CUL5: variants seen among roughly 807,000 people sequenced by gnomAD.
CUL5 encodes cullin 5, also known as cullin-5.
In CUL5, 26 loss-of-function variants were observed where a neutral mutation model predicts 108.8. The observed-to-expected ratio is 0.24, with a 90% CI of 0.18 to 0.33. CUL5 has a LOEUF of 0.33. Among genes scored for constraint, CUL5 ranks in the 10% least tolerant of loss-of-function variants. The pLI, the probability that CUL5 is intolerant of heterozygous loss-of-function variation, is 1.00. For missense variants in CUL5, 524 were observed against 909.2 expected (o/e 0.58, Z 5.45); for synonymous variants, 334 against 298.0 (o/e 1.12, Z -1.25).
intron 11 of CUL5, among the ~76,000 whole-genome samples, chr11:108,079,621 C>T (rs1864023452): frequency 6.6e-6 from 1 of 152,186 alleles, no homozygotes; most frequent in Non-Finnish European, 1.5e-5. Flanking sequence ...AATTTATATA[C>T]TGTCCCATGC....
chr11:108,016,248 T>G (rs111441536), intron 1 of CUL5, among the ~76,000 whole-genome samples: 3 of 148,778 alleles, frequency 2.0e-5, no homozygotes, highest in African/African-American at 5.1e-5. Flanking sequence ...TTCTCTTCTC[T>G]TCTCGTCTTC....
intron 7 of CUL5, among the ~76,000 whole-genome samples, chr11:108,057,123 C>G (rs915474373): frequency 6.6e-6 from 1 of 152,152 alleles, no homozygotes; most frequent in Non-Finnish European, 1.5e-5. Context: ...TATGAACTTT[C>G]AACTGTAAAA....
intron 18 of CUL5, among the ~76,000 whole-genome samples, chr11:108,103,414 GGAAA>G (rs1275044808): frequency 2.0e-5 from 3 of 146,644 alleles, no homozygotes; most frequent in Non-Finnish European, 4.5e-5. Context: ...GAGAAGAAGG[GGAAA>G]AAAAAAACCT....
rs186071112 is a variant in CUL5 at position 108,090,900 on chromosome 11, A to T, written c.1443+1277A>T. ...TAACTGAAACTGCTTAGTAGGAAAA[A>T]GAATGATTATTCTGTGACTTTTTAA... On this transcript the variant is annotated intron_variant, in intron 13 of 18. Coordinates refer to ENST00000393094, the MANE Select transcript of CUL5 (RefSeq NM_003478.6). Among the ~76,000 whole-genome samples, 26 of 152,348 alleles carry T rather than the reference A, an allele frequency of 1.7e-4. 1 individual carries two copies. In the East Asian group the frequency reaches 4.6e-3, roughly 27 times the overall value.
At chr11:108,073,768 T>C in intron 10 of CUL5, 1 of 194,424 alleles carries the variant, frequency 5.1e-6, no homozygotes, top group Non-Finnish European at 1.0e-5. Context: ...ATATTACTGA[T>C]CTATTGAATT....
chr11:108,100,359 A>G (rs1025103054), intron 18 of CUL5, among the ~76,000 whole-genome samples: 5 of 151,944 alleles, frequency 3.3e-5, no homozygotes, highest in Admixed American at 6.6e-5. Flanking sequence ...CCTAGCCAAC[A>G]TGTTGAAGCC....
intron 7 of CUL5, among the ~76,000 whole-genome samples, chr11:108,063,968 T>G (rs1283803518): frequency 6.6e-6 from 1 of 152,248 alleles, no homozygotes; most frequent in Non-Finnish European, 1.5e-5. Flanking sequence ...GGTAATATCA[T>G]CTGCAAACAA....
chr11:108,051,620 T>C (rs1326100337), intron 4 of CUL5, among the ~76,000 whole-genome samples: 2 of 152,250 alleles, frequency 1.3e-5, no homozygotes, highest in East Asian at 1.9e-4. Context: ...AGTACTGATA[T>C]AATCACCAAT....
chr11:108,100,700 T>C (rs1864637205), intron 18 of CUL5, among the ~76,000 whole-genome samples: 1 of 152,028 alleles, frequency 6.6e-6, no homozygotes, highest in Non-Finnish European at 1.5e-5. Context: ...AGTAAGAAGA[T>C]ATTCGTAGCT....
intron 2 of CUL5, 44 bp downstream of exon 2, chr11:108,033,955 T>TA (rs1302064622): frequency 8.5e-7 from 1 of 1,178,466 alleles, no homozygotes; most frequent in African/African-American, 1.5e-5. Context: ...AAGGAAATTT[T>TA]AGTGATGTCT....
chr11:108,027,358 G>A (rs998388071), intron 1 of CUL5, among the ~76,000 whole-genome samples: 6 of 151,468 alleles, frequency 4.0e-5, no homozygotes, highest in Non-Finnish European at 7.4e-5. Flanking sequence ...TGCAAACTCC[G>A]CCTCCCAGGT....
chr11:108,038,862 A>G (rs1336572056), intron 2 of CUL5, among the ~76,000 whole-genome samples: 9 of 152,074 alleles, frequency 5.9e-5, no homozygotes, highest in African/African-American at 2.2e-4. Flanking sequence ...TAGTTACTAA[A>G]TAATGTATTG....
intron 11 of CUL5, among the ~76,000 whole-genome samples, chr11:108,082,035 G>A (rs895054024): frequency 6.6e-6 from 1 of 152,108 alleles, no homozygotes; most frequent in African/African-American, 2.4e-5. Flanking sequence ...GCATTGAATT[G>A]TATTAATGTT....
intron 5 of CUL5, 47 bp downstream of exon 5, chr11:108,052,848 G>A (rs1176930834): frequency 6.5e-7 from 1 of 1,537,332 alleles, no homozygotes; most frequent in Non-Finnish European, 8.9e-7. Flanking sequence ...CATGGAAATT[G>A]TAGAACAATT....
intron 7 of CUL5, among the ~76,000 whole-genome samples, chr11:108,066,768 C>G (rs779577742): frequency 9.2e-5 from 14 of 152,316 alleles, no homozygotes; most frequent in Middle Eastern, 3.4e-3. Context: ...AGAGCACAAT[C>G]TTTGTCCTTA....
At chr11:108,033,958 T>A in intron 2 of CUL5, 47 bp downstream of exon 2, 1 of 1,165,706 alleles carries the variant, frequency 8.6e-7, no homozygotes, top group Non-Finnish European at 1.3e-6. Flanking sequence ...GAAATTTTAG[T>A]GATGTCTTTC....
intron 1 of CUL5, among the ~76,000 whole-genome samples, chr11:108,017,656 T>A (rs540554748): frequency 5.3e-5 from 8 of 152,222 alleles, no homozygotes; most frequent in African/African-American, 1.9e-4. Flanking sequence ...TCAAGACCAG[T>A]CTGGGCAACA....
rs1315891563 is a variant in CUL5 at position 108,107,398 on chromosome 11, T to A, written c.*3014T>A. 1 of 152,664 alleles carries A rather than the reference T, an allele frequency of 6.6e-6. No individual in the cohort carries two copies. The highest frequency in any genetic ancestry group is 1.9e-4 in the East Asian group (1 of 5,202). The allele number at this position is 152,664 out of a possible 1,614,324, so 9.5% of individuals were successfully genotyped here. A position where few individuals can be genotyped will look rare whatever the true frequency, so the allele number is the denominator to read the frequency against. ...GCTAGTTTTACAGAAAGATTTGCTATCTTAAACTCAAGCTGGTTTTTCTGT... is the reference window on the plus strand; with the variant it reads ...GCTAGTTTTACAGAAAGATTTGCTAACTTAAACTCAAGCTGGTTTTTCTGT... On this transcript the variant is annotated 3_prime_UTR_variant, in exon 19 of 19. Transcript: ENST00000393094.
intron 2 of CUL5, among the ~76,000 whole-genome samples, chr11:108,038,037 G>A (rs1391353091): frequency 1.3e-5 from 2 of 152,226 alleles, no homozygotes; most frequent in African/African-American, 4.8e-5. Flanking sequence ...CCGAAATGAT[G>A]TAGGACCTTG....
Sources: allele counts gnomAD v4.1 joint callset (sites outside exome capture counted in the v4.1 genomes callset), GRCh38; gene constraint gnomAD v4.1.1; transcripts MANE v1.5; gene names NCBI Gene and HGNC (gene_info 2026-07-23, HGNC 2026-07-21).